NTN1: variants seen among roughly 807,000 people sequenced by gnomAD.
NTN1 encodes the protein netrin-1.
In NTN1, 11 loss-of-function variants were observed where a neutral mutation model predicts 54.2. The observed-to-expected ratio is 0.20, with a 90% CI of 0.13 to 0.34. The LOEUF is 0.34. Among genes scored for constraint, NTN1 ranks in the 10% least tolerant of loss-of-function variants. The probability of loss-of-function intolerance (pLI) is 1.00; values close to 1 mark genes in which losing one functional copy is unlikely to be tolerated. For synonymous variants in NTN1, 371 were observed against 382.0 expected, an observed-to-expected ratio of 0.97 and a Z score of 0.33; for missense variants, 740 against 893.1, an observed-to-expected ratio of 0.83 and a Z score of 2.18.
chr17:9,044,741 C>CA (rs11299289), intron 2 of NTN1, among the ~76,000 whole-genome samples: 19 of 151,608 alleles, frequency 1.3e-4, no homozygotes, highest in Non-Finnish European at 2.5e-4. Context: ...CTGCTTGGGG[C>CA]AAAAAAAAAT....
At chr17:9,203,478 G>C (rs1214751863) in intron 5 of NTN1, among the ~76,000 whole-genome samples, 1 of 152,254 alleles carries the variant, frequency 6.6e-6, no homozygotes, top group Non-Finnish European at 1.5e-5. Flanking sequence ...GGGAGGAAAT[G>C]GCTGGTCTCT....
chr17:9,073,595 C>T (rs371383465), intron 2 of NTN1, among the ~76,000 whole-genome samples: 6 of 152,200 alleles, frequency 3.9e-5, no homozygotes, highest in Non-Finnish European at 7.3e-5. Flanking sequence ...TCTGCCCTCC[C>T]GCCGAGTGCA....
rs1447670124 is a variant in NTN1, at chr17:9,162,844, C to T, written c.1050C>T (p.Cys350=). Residue 350 remains cysteine, a synonymous_variant, in exon 3 of 7, where the codon TGC becomes TGT. Transcript: ENST00000173229. ...ACNCNLHARR[C]RFNMELYKLS... is the part of the protein sequence containing the mutation. ...ACTGCAACCTGCATGCCCGGCGCTG[C>T]CGCTTCAACATGGAGCTCTACAAGC... is the stretch of plus-strand genomic sequence containing the variant. 1 of 1,613,556 alleles carries T rather than the reference C, an allele frequency of 6.2e-7. No individual in the cohort carries two copies. Among genetic ancestry groups the T allele is most frequent in the Non-Finnish European group, 8.5e-7 (1 of 1,179,594 alleles).
chr17:9,107,835 T>C (rs756214713), intron 2 of NTN1, among the ~76,000 whole-genome samples: 6 of 152,276 alleles, frequency 3.9e-5, no homozygotes, highest in Non-Finnish European at 7.3e-5. Context: ...AAATATTTAC[T>C]ATCTGGTCCT....
At chr17:9,114,448 A>AAG (rs372471194) in intron 2 of NTN1, among the ~76,000 whole-genome samples, 1 of 87,894 alleles carries the variant, frequency 1.1e-5, no homozygotes, top group Non-Finnish European at 2.6e-5. Flanking sequence ...TACTTGAGTT[A>AAG]AAAAAAAAAA....
the NTN1 span, among the ~76,000 whole-genome samples, chr17:9,014,335 G>C: frequency 6.6e-6 from 1 of 152,052 alleles, no homozygotes; most frequent in East Asian, 1.9e-4. Context: ...GATCTGGTAG[G>C]CAGACCTGAG....
chr17:9,068,487 A>G (rs1364065166), intron 2 of NTN1, among the ~76,000 whole-genome samples: 1 of 150,812 alleles, frequency 6.6e-6, no homozygotes, highest in Non-Finnish European at 1.5e-5. Flanking sequence ...ACCTGGCCAG[A>G]TTATGTGTGT....
chr17:9,169,306 G>T (rs1334056610), intron 3 of NTN1, among the ~76,000 whole-genome samples: 2 of 152,234 alleles, frequency 1.3e-5, no homozygotes, highest in Non-Finnish European at 2.9e-5. Context: ...ATTCTTTGTA[G>T]CAGTGAAGTT....
chr17:9,114,469 G>A (rs564883712), intron 2 of NTN1, among the ~76,000 whole-genome samples: 1 of 151,334 alleles, frequency 6.6e-6, no homozygotes, highest in East Asian at 1.9e-4. Context: ...AGATAAACAT[G>A]GAGGCCGGGC....
At position 9,219,657 on chromosome 17, in the gene NTN1, TC is replaced by T. The variant is rs1905287930; in HGVS notation, c.1412-1508del. Among the ~76,000 whole-genome samples, 1 of 152,190 alleles carries T rather than the reference TC, an allele frequency of 6.6e-6. No homozygotes were observed. The highest frequency in any genetic ancestry group is 2.1e-4 in the South Asian group (1 of 4,832). On this transcript the variant is annotated intron_variant, in intron 5 of 6. Transcript: ENST00000173229. The surrounding 1 kb of genome is among the most constrained non-coding windows in gnomAD (Gnocchi z 4.5). Reference sequence around the variant, plus strand: ...GCCCTGGAGAGGTCTCCCTGAACACTCCCTGCAGATCTAAGTCCTGGGTTGG... The same window carrying T: ...GCCCTGGAGAGGTCTCCCTGAACACTCCTGCAGATCTAAGTCCTGGGTTGG...
At chr17:9,103,164 G>A (rs1328789017) in intron 2 of NTN1, among the ~76,000 whole-genome samples, 3 of 152,146 alleles carry the variant, frequency 2.0e-5, no homozygotes, top group Admixed American at 6.6e-5. Flanking sequence ...TGATTGACAG[G>A]GTATATACTC....
chr17:9,133,627 C>T (rs1342535636), intron 2 of NTN1, among the ~76,000 whole-genome samples: 12 of 142,090 alleles, frequency 8.4e-5, no homozygotes, highest in African/African-American at 1.3e-4. Flanking sequence ...CTTGCTCTGT[C>T]GCCAGGCTGG....
intron 2 of NTN1, among the ~76,000 whole-genome samples, chr17:9,136,882 C>T (rs892481040): frequency 2.6e-5 from 4 of 152,194 alleles, no homozygotes; most frequent in African/African-American, 9.7e-5. Context: ...CACTCCTGCC[C>T]AGCTCCTTCC....
intron 2 of NTN1, among the ~76,000 whole-genome samples, chr17:9,083,123 A>G (rs1297858572): frequency 1.3e-5 from 2 of 151,414 alleles, no homozygotes; most frequent in African/African-American, 2.4e-5. Flanking sequence ...TTCTGAGATC[A>G]AGTCTTGCTC....
At chr17:9,168,528 G>A (rs1421151396) in intron 3 of NTN1, among the ~76,000 whole-genome samples, 6 of 132,306 alleles carry the variant, frequency 4.5e-5, no homozygotes, top group East Asian at 2.0e-4. Flanking sequence ...GTGAAACGCC[G>A]TCTCAAAAAA....
At chr17:9,054,085 G>A (rs1474945385) in intron 2 of NTN1, among the ~76,000 whole-genome samples, 1 of 152,196 alleles carries the variant, frequency 6.6e-6, no homozygotes. Flanking sequence ...TAGTAAATGC[G>A]AGGCTGCCAT....
chr17:9,186,514 C>T (rs1353239171), intron 5 of NTN1, among the ~76,000 whole-genome samples: 9 of 152,258 alleles, frequency 5.9e-5, no homozygotes, highest in East Asian at 1.9e-4. Flanking sequence ...TCTGTCTTCA[C>T]GAGGCACTCA....
intron 6 of NTN1, among the ~76,000 whole-genome samples, chr17:9,227,749 GACTC>G (rs1378275935): frequency 6.7e-6 from 1 of 149,772 alleles, no homozygotes; most frequent in Non-Finnish European, 1.5e-5. Context: ...ATCACACACA[GACTC>G]ACACATTTAT....
chr17:9,064,349 G>A (rs1345660216), intron 2 of NTN1, among the ~76,000 whole-genome samples: 13 of 152,086 alleles, frequency 8.5e-5, no homozygotes, highest in Admixed American at 8.5e-4. Flanking sequence ...CCATTTTCAT[G>A]GCTTTCCATA....
Sources: allele counts gnomAD v4.1 joint callset (sites outside exome capture counted in the v4.1 genomes callset), GRCh38; gene constraint gnomAD v4.1.1; non-coding constraint Gnocchi (gnomAD v3.1); transcripts MANE v1.5; gene names NCBI Gene and HGNC (gene_info 2026-07-23, HGNC 2026-07-21).